The following TCAIM variants were observed in gnomAD, a reference collection of about 807,000 sequenced individuals.
TCAIM encodes T-cell activation inhibitor, mitochondrial.
TCAIM carries 36 observed loss-of-function variants against 58.6 expected under a neutral mutation model. The observed-to-expected ratio is 0.61, with a 90% CI of 0.47 to 0.81. The LOEUF (loss-of-function observed/expected upper bound fraction) is 0.81. Among genes scored for constraint, TCAIM ranks in the 30% least tolerant of loss-of-function variants. The pLI is 0.00. For missense variants in TCAIM, 466 were observed against 579.6 expected, an observed-to-expected ratio of 0.80 and a Z score of 2.01; for synonymous variants, 172 against 193.6, an observed-to-expected ratio of 0.89 and a Z score of 0.93.
chr3:44,353,702 G>T (rs1701138021), intron 1 of TCAIM, among the ~76,000 whole-genome samples: 1 of 152,160 alleles, frequency 6.6e-6, no homozygotes, highest in African/African-American at 2.4e-5. Context: ...CATTTCATAT[G>T]CTCATTTGCC....
intron 5 of TCAIM, among the ~76,000 whole-genome samples, chr3:44,368,628 G>C (rs1461386887): frequency 1.3e-5 from 2 of 152,326 alleles, no homozygotes; most frequent in East Asian, 3.9e-4. Flanking sequence ...CCCTAAATAT[G>C]ATGACTTTAA....
At chr3:44,405,630 G>A (rs998682752) in intron 10 of TCAIM, among the ~76,000 whole-genome samples, 6 of 151,930 alleles carry the variant, frequency 3.9e-5, no homozygotes, top group Non-Finnish European at 7.4e-5. Context: ...CCATGGTCAC[G>A]ACAGTGATAC....
At chr3:44,399,386 G>C (rs118188018) in intron 8 of TCAIM, among the ~76,000 whole-genome samples, 1 of 152,162 alleles carries the variant, frequency 6.6e-6, no homozygotes, top group South Asian at 2.1e-4. Flanking sequence ...GATGTTAAAA[G>C]TAGATTATAA....
Position 44,394,625 on chromosome 3 carries a change from G to A in TCAIM, c.695+1648G>A, listed in dbSNP as rs562021894. Reference sequence around the variant, plus strand: ...AATAGATATAACCCGGCCGGGTATGGTGGCTCACACCTGTAATCCCAGCAC... The same window carrying A: ...AATAGATATAACCCGGCCGGGTATGATGGCTCACACCTGTAATCCCAGCAC... On this transcript the variant is annotated intron_variant, in intron 6 of 10. Transcript: ENST00000342649. 2.0e-5 allele frequency among the ~76,000 whole-genome samples: 3 copies of A among 151,772 alleles called. No individual in the cohort carries two copies. In the South Asian group the frequency reaches 6.2e-4, roughly 32 times the overall value.
At position 44,407,992 on chromosome 3, in the gene TCAIM, A is replaced by G. The variant is rs1264851830; in HGVS notation, c.*310A>G. 1 of 186,354 alleles carries G rather than the reference A, an allele frequency of 5.4e-6. No individual in the cohort carries two copies. The highest frequency in any genetic ancestry group is 2.3e-5 in the African/African-American group (1 of 42,954). The allele number at this position is 186,354 out of a possible 1,614,324, so 11.5% of individuals were successfully genotyped here. A position where few individuals can be genotyped will look rare whatever the true frequency, so the allele number is the denominator to read the frequency against. On this transcript the variant is annotated 3_prime_UTR_variant, in exon 11 of 11. Transcript: ENST00000342649. ...CCTCCAGCCTGAGCAACAGAACAAG[A>G]CCTTGTCTCAAAAAATAATAATGAT...
rs114323553 is a variant in TCAIM at position 44,401,179 on chromosome 3, C to G, written c.1119-24C>G. The G allele has an allele frequency of 1.3e-3, 2,022 of 1,610,346 alleles. 17 individuals carry two copies. In the African/African-American group the frequency reaches 0.021, roughly 17 times the overall value. ...GGAGAGGAGAGGGTCAGTGGTTTTT[C>G]CTTTAATGTATATTTTATTGCAGTG... On this transcript the variant is annotated intron_variant, in intron 9 of 10. Coordinates refer to ENST00000342649, the MANE Select transcript of TCAIM (RefSeq NM_173826.4).
intron 5 of TCAIM, among the ~76,000 whole-genome samples, chr3:44,382,118 A>AC (rs1337439957): frequency 6.6e-6 from 1 of 152,168 alleles, no homozygotes; most frequent in East Asian, 1.9e-4. Flanking sequence ...AAATAGAAAA[A>AC]CCCATCCTAA....
At chr3:44,395,772 C>A (rs1380008014) in intron 6 of TCAIM, among the ~76,000 whole-genome samples, 1 of 152,192 alleles carries the variant, frequency 6.6e-6, no homozygotes, top group Non-Finnish European at 1.5e-5. Flanking sequence ...ATCACTTGAG[C>A]CCAGGTGTTG....
chr3:44,371,351 C>T (rs1019957233), intron 5 of TCAIM, among the ~76,000 whole-genome samples: 1 of 152,124 alleles, frequency 6.6e-6, no homozygotes, highest in Admixed American at 6.6e-5. Flanking sequence ...AGCCACCATG[C>T]CCGGCTAGAT....
At chr3:44,338,466 A>G (rs905904906), upstream of TCAIM, 17 of 152,272 alleles carry the variant, frequency 1.1e-4, no homozygotes, top group African/African-American at 3.4e-4. Flanking sequence ...AAGGCCTGGC[A>G]CGCTCCAGCC....
chr3:44,401,122 C>T (rs750183278), intron 9 of TCAIM, 81 bp from the exon 10 acceptor site: 6 of 1,531,950 alleles, frequency 3.9e-6, no homozygotes, highest in Non-Finnish European at 5.3e-6. Context: ...TTTTATTTTC[C>T]TGAAGACTAA....
At chr3:44,394,106 A>G (rs1701884138) in intron 6 of TCAIM, among the ~76,000 whole-genome samples, 1 of 148,272 alleles carries the variant, frequency 6.7e-6, no homozygotes, top group South Asian at 2.1e-4. Flanking sequence ...TCTCATTATT[A>G]GGACTTTTTT....
chr3:44,396,276 A>G (rs766455515), intron 6 of TCAIM, 124 bp from the exon 7 acceptor site: 48 of 692,782 alleles, frequency 6.9e-5, no homozygotes, highest in Non-Finnish European at 8.2e-5. Context: ...CAATCAAAAC[A>G]TGTTATGTGT....
At chr3:44,394,339 T>G (rs1701887735) in intron 6 of TCAIM, among the ~76,000 whole-genome samples, 1 of 152,168 alleles carries the variant, frequency 6.6e-6, no homozygotes, top group Admixed American at 6.5e-5. Context: ...AGATTAAACT[T>G]TATTATAGGG....
At chr3:44,387,729 G>A (rs1358715461) in intron 5 of TCAIM, among the ~76,000 whole-genome samples, 1 of 152,210 alleles carries the variant, frequency 6.6e-6, no homozygotes, top group Non-Finnish European at 1.5e-5. Flanking sequence ...GCCAGGCCAA[G>A]TGGGCAGAAT....
intron 5 of TCAIM, among the ~76,000 whole-genome samples, chr3:44,378,062 A>G (rs1433635880): frequency 6.6e-6 from 1 of 152,216 alleles, no homozygotes; most frequent in Non-Finnish European, 1.5e-5. Flanking sequence ...CAAAGGTCTA[A>G]TATCCAGAAT....
At chr3:44,372,005 AGAGAGAAG>A (rs1701478524) in intron 5 of TCAIM, among the ~76,000 whole-genome samples, 1 of 141,316 alleles carries the variant, frequency 7.1e-6, no homozygotes, top group Non-Finnish European at 1.5e-5. Context: ...AGAGAGAGAA[AGAGAGAAG>A]GAAGGAAGGA....
At chr3:44,383,567 T>C (rs1207311763) in intron 5 of TCAIM, among the ~76,000 whole-genome samples, 2 of 152,144 alleles carry the variant, frequency 1.3e-5, no homozygotes, top group African/African-American at 4.8e-5. Flanking sequence ...CGTTAGTGTT[T>C]AATGTGTACA....
At chr3:44,354,853 G>T in intron 2 of TCAIM, 42 bp downstream of exon 2, 1 of 1,595,042 alleles carries the variant, frequency 6.3e-7, no homozygotes, top group Non-Finnish European at 8.5e-7. Context: ...TTGTGGCGGG[G>T]GGAGGTCTGT....
Sources: gnomAD v4.1 joint callset for allele counts (sites outside exome capture counted in the v4.1 genomes callset) on GRCh38, gnomAD v4.1.1 for gene constraint, MANE v1.5 for transcripts, NCBI Gene and HGNC (gene_info 2026-07-23, HGNC 2026-07-21) for gene names.